PRKAA2: variants seen among roughly 807,000 people sequenced by gnomAD.
PRKAA2 encodes 5'-AMP-activated protein kinase catalytic subunit alpha-2.
In PRKAA2, 40 loss-of-function variants were observed where a neutral mutation model predicts 56.3. The observed-to-expected ratio is 0.71, with a 90% CI of 0.55 to 0.92. The LOEUF is 0.92. PRKAA2 is among the 40% of genes least tolerant of loss of function. PRKAA2 has a pLI of 0.00. For synonymous variants in PRKAA2, 214 were observed against 234.2 expected (o/e 0.91, Z 0.79); for missense variants, 542 against 686.9 (o/e 0.79, Z 2.36).
intron 8 of PRKAA2, 40 bp from the exon 9 acceptor site, chr1:56,707,435 A>G: frequency 6.5e-7 from 1 of 1,543,036 alleles, no homozygotes; most frequent in Non-Finnish European, 8.9e-7. Flanking sequence ...TTGGGCATAT[A>G]TACTTTCCAT....
In PRKAA2 at chr1:56,707,535, G is replaced by C. The variant is rs746641545; in HGVS notation, c.1481G>C (p.Gly494Ala). The change falls in exon 9 of 9, where the codon GGC becomes GCC. Residue 494 changes from glycine (G) to alanine (A), a missense_variant. By Grantham distance (60) the Gly-to-Ala change is moderately conservative. This residue lies in a region of PRKAA2 where 158 missense variants were observed against 166.1 expected (regional missense o/e 0.95). Transcript: ENST00000371244. ...CCTCAGCGTTCCTGTTCTGCTGCTG[G>C]CTTACACAGACCAAGATCAAGTTTT... ...STPQRSCSAAGLHRPRSSFDS... is the reference protein window; with the variant it reads ...STPQRSCSAAALHRPRSSFDS... The C allele has an allele frequency of 6.2e-7, 1 of 1,614,126 alleles. No individual in the cohort carries two copies. The highest frequency in any genetic ancestry group is 1.1e-5 in the South Asian group (1 of 91,068).
At chr1:56,663,004 C>T (rs1388798645) in intron 1 of PRKAA2, among the ~76,000 whole-genome samples, 1 of 152,120 alleles carries the variant, frequency 6.6e-6, no homozygotes, top group African/African-American at 2.4e-5. Context: ...TTCCTTGGCC[C>T]TCCAGAGAGT....
rs552014300 is a variant in PRKAA2, at chr1:56,682,959, T to G, written c.237-8435T>G. ...AAAACATTTCTATCGTTGTAGGAAG[T>G]TCTGTTCAACAGTCCTGGTCTAGAT... is the stretch of plus-strand genomic sequence containing the variant. On this transcript the variant is annotated intron_variant, in intron 2 of 8. Transcript: ENST00000371244. Among the ~76,000 whole-genome samples the G allele has an allele frequency of 4.6e-5, 7 of 152,262 alleles. No individual in the cohort carries two copies. In the East Asian group the frequency reaches 1.4e-3, roughly 29 times the overall value.
In PRKAA2 at chr1:56,662,575, C is replaced by G. The variant is rs187332785; in HGVS notation, c.95-11806C>G. Among the ~76,000 whole-genome samples, 917 of 152,266 alleles carry G rather than the reference C, an allele frequency of 6.0e-3. 5 individuals carry two copies. Among genetic ancestry groups the G allele is most frequent in the African/African-American group, 0.021 (874 of 41,558 alleles). On this transcript the variant is annotated intron_variant, in intron 1 of 8. Coordinates refer to ENST00000371244, the MANE Select transcript of PRKAA2 (RefSeq NM_006252.4). ...TAGGATTGATTGCAGGCATGAGCCACCATGCCCGGCCAACTTTATTTTTTA... is the reference window on the plus strand; with the variant it reads ...TAGGATTGATTGCAGGCATGAGCCAGCATGCCCGGCCAACTTTATTTTTTA...
chr1:56,704,212 T>A lies in PRKAA2; in HGVS notation c.1030T>A (p.Ser344Thr), dbSNP rs749485325. 4 of 1,614,062 alleles carry A rather than the reference T, an allele frequency of 2.5e-6. 1 individual carries two copies. In the South Asian group the frequency reaches 4.4e-5, roughly 18 times the overall value. The change falls in exon 7 of 9, where the codon TCT becomes ACT. Residue 344 changes from serine to threonine, a missense_variant. This residue lies in a region of PRKAA2 where 198 missense variants were observed against 234.0 expected (regional missense o/e 0.85). Transcript: ENST00000371244. The stretch of plus-strand genomic sequence containing the variant: ...CCAAGCCAGTGAGTTCTACCTCGCC[T>A]CTAGTCCTCCATCTGGTTCTTTTAT... ...MNQASEFYLA[S>T]SPPSGSFMDD...
intron 6 of PRKAA2, among the ~76,000 whole-genome samples, chr1:56,697,060 AGTGCAGTGGT>A (rs1370058359): frequency 8.8e-6 from 1 of 113,168 alleles, no homozygotes; most frequent in Non-Finnish European, 1.6e-5. Flanking sequence ...CCCAGGCTGG[AGTGCAGTGGT>A]GTGATCACAG....
chr1:56,661,265 T>G (rs537745985), intron 1 of PRKAA2, among the ~76,000 whole-genome samples: 9 of 152,292 alleles, frequency 5.9e-5, no homozygotes, highest in Non-Finnish European at 1.3e-4. Flanking sequence ...TCAATAAATT[T>G]TCACAAACTG....
intron 2 of PRKAA2, among the ~76,000 whole-genome samples, chr1:56,690,834 T>G (rs1644224638): frequency 6.6e-6 from 1 of 152,220 alleles, no homozygotes; most frequent in Non-Finnish European, 1.5e-5. Context: ...TATATTCCAC[T>G]TAATTGCCAA....
At chr1:56,657,653 G>A (rs1643956719) in intron 1 of PRKAA2, among the ~76,000 whole-genome samples, 1 of 152,000 alleles carries the variant, frequency 6.6e-6, no homozygotes, top group South Asian at 2.1e-4. Flanking sequence ...TCCAGCCTGG[G>A]TGACAGAGCA....
intron 1 of PRKAA2, among the ~76,000 whole-genome samples, chr1:56,671,912 CAA>C (rs1644079842): frequency 6.6e-6 from 1 of 152,150 alleles, no homozygotes; most frequent in Non-Finnish European, 1.5e-5. Context: ...ACATAATAAA[CAA>C]TAAATGTCAT....
intron 1 of PRKAA2, among the ~76,000 whole-genome samples, chr1:56,652,138 G>A (rs902458372): frequency 1.1e-4 from 16 of 146,748 alleles, no homozygotes; most frequent in African/African-American, 2.3e-4. Context: ...TCGGCCTCCC[G>A]ACTAGCTGGG....
At chr1:56,699,217 A>G (rs980501698) in intron 6 of PRKAA2, among the ~76,000 whole-genome samples, 5 of 152,196 alleles carry the variant, frequency 3.3e-5, no homozygotes, top group African/African-American at 1.2e-4. Context: ...TTTTTGAGGG[A>G]ATATTTGAAA....
At chr1:56,699,758 A>G (rs952052840) in intron 6 of PRKAA2, among the ~76,000 whole-genome samples, 1 of 151,918 alleles carries the variant, frequency 6.6e-6, no homozygotes, top group Non-Finnish European at 1.5e-5. Context: ...GTCACTCCCC[A>G]TTTCCCCTTC....
chr1:56,655,281 T>TATATATATATATATATATATA (rs1553146924), intron 1 of PRKAA2, among the ~76,000 whole-genome samples: 1 of 77,098 alleles, frequency 1.3e-5, no homozygotes, highest in African/African-American at 5.4e-5. Flanking sequence ...TATATATATA[T>TATATATATATATATATATATA]TTTTTTTTTT....
intron 6 of PRKAA2, among the ~76,000 whole-genome samples, chr1:56,698,867 A>G (rs993795182): frequency 1.3e-5 from 2 of 152,160 alleles, no homozygotes; most frequent in Non-Finnish European, 2.9e-5. Context: ...TGCTGGTAAT[A>G]TAGTGGTAAA....
chr1:56,703,355 G>A (rs1320158383), intron 6 of PRKAA2, among the ~76,000 whole-genome samples: 1 of 151,984 alleles, frequency 6.6e-6, no homozygotes, highest in African/African-American at 2.4e-5. Flanking sequence ...CATCTTTCAT[G>A]AAAAATAACC....
intron 1 of PRKAA2, among the ~76,000 whole-genome samples, chr1:56,664,482 C>G (rs116853683): frequency 0.032 from 4,889 of 151,852 alleles, 110 homozygotes; most frequent in South Asian, 0.1. Context: ...TGTTTCTGGT[C>G]TAATATTTAC....
rs1422241743 is a variant in PRKAA2 at position 56,709,135 on chromosome 1, C to A, written c.*1422C>A. On this transcript the variant is annotated 3_prime_UTR_variant, in exon 9 of 9. Coordinates refer to ENST00000371244, the MANE Select transcript of PRKAA2 (RefSeq NM_006252.4). ...ATTAACACTTATTTACCTGGATTAC[C>A]CTAAAAAAATTAAGCTCTTGAAAAC... The A allele has an allele frequency of 6.6e-6, 1 of 151,122 alleles. No homozygotes were observed. Among genetic ancestry groups the A allele is most frequent in the African/African-American group, 2.4e-5 (1 of 41,176 alleles). 9.4% of individuals were successfully genotyped at this position (151,122 alleles called of 1,614,324 possible).
intron 1 of PRKAA2, among the ~76,000 whole-genome samples, chr1:56,649,699 A>G (rs896261970): frequency 6.6e-6 from 1 of 152,120 alleles, no homozygotes; most frequent in Non-Finnish European, 1.5e-5. Context: ...GGCTGTTCTC[A>G]AACTTGTGGC....
Sources: allele counts gnomAD v4.1 joint callset (sites outside exome capture counted in the v4.1 genomes callset), GRCh38; gene constraint gnomAD v4.1.1; regional missense constraint gnomAD v4.1.1; transcripts MANE v1.5; gene names NCBI Gene and HGNC (gene_info 2026-07-23, HGNC 2026-07-21).